The following TRAPPC11 variants were observed in gnomAD, a reference collection of about 807,000 sequenced individuals.
The protein encoded by TRAPPC11 is foie gras homolog.
TRAPPC11 carries 104 observed loss-of-function variants against 151.2 expected under a neutral mutation model. That is an observed-to-expected ratio of 0.69 (90% CI 0.59 to 0.81). TRAPPC11 has a LOEUF of 0.81. Ranked by LOEUF, TRAPPC11 falls within the 30% of genes least tolerant of loss-of-function variation. The pLI is 0.00. For missense variants in TRAPPC11, 1,230 were observed against 1,349.6 expected (o/e 0.91, Z 1.39); for synonymous variants, 456 against 472.3 (o/e 0.97, Z 0.45).
In TRAPPC11 at chr4:183,680,679, CTTTTTTTTT is replaced by C. The variant is rs71589581; in HGVS notation, c.1113+425_1113+433del. 1.1e-4 allele frequency among the ~76,000 whole-genome samples: 9 copies of C among 82,964 alleles called. No individual in the cohort carries two copies. The South Asian group carries it at 1.2e-3, about 11-fold the overall frequency. The allele number at this position is 82,964 out of a possible 152,430, so 54.4% of individuals were successfully genotyped here. On this transcript the variant is annotated intron_variant, in intron 10 of 29. Transcript: ENST00000334690. Reference sequence around the variant, plus strand: ...CCTGGGGTTTTCCTGTATGGAGACTCTTTTTTTTTTTTTTTTTTTTTGGAGATGGAGTCT... The same window carrying C: ...CCTGGGGTTTTCCTGTATGGAGACTCTTTTTTTTTTTTGGAGATGGAGTCT...
intron 23 of TRAPPC11, among the ~76,000 whole-genome samples, chr4:183,696,889 T>C (rs112847514): frequency 0.022 from 3,310 of 152,224 alleles, 124 homozygotes; most frequent in African/African-American, 0.076. Flanking sequence ...TCTTTCTTAT[T>C]AGTCATTTTG....
chr4:183,667,720 G>T (rs1212819404), intron 4 of TRAPPC11, among the ~76,000 whole-genome samples: 1 of 152,128 alleles, frequency 6.6e-6, no homozygotes, highest in Non-Finnish European at 1.5e-5. Flanking sequence ...TCCAGTTTTA[G>T]TTATGTTTTT....
Position 183,705,047 on chromosome 4 carries a change from A to G in TRAPPC11, c.3032A>G (p.Asn1011Ser), listed in dbSNP as rs1445366637. 6.3e-7 allele frequency: 1 copy of G among 1,593,344 alleles called. No individual in the cohort carries two copies. Among genetic ancestry groups the G allele is most frequent in the East Asian group, 2.2e-5 (1 of 44,798 alleles). ...ACTCTGCCGCACGTGATTGTGGAGAATATCCCTCTCCATGTGAATGCAGGT... is the reference window on the plus strand; with the variant it reads ...ACTCTGCCGCACGTGATTGTGGAGAGTATCCCTCTCCATGTGAATGCAGGT... ...VITLPHVIVE[N>S]IPLHVNADLP... is the part of the protein sequence containing the mutation. The change falls in exon 27 of 30, where the codon AAT becomes AGT. Residue 1011 changes from asparagine (N) to serine (S), a missense_variant. By Grantham distance (46) the Asn-to-Ser change is conservative. Coordinates refer to ENST00000334690, the MANE Select transcript of TRAPPC11 (RefSeq NM_021942.6).
intron 2 of TRAPPC11, 123 bp from the exon 3 acceptor site, chr4:183,666,133 TC>T: frequency 3.8e-6 from 3 of 789,582 alleles, no homozygotes; most frequent in Non-Finnish European, 5.9e-6. Context: ...AGCCTGAGTT[TC>T]CTAATCAAAA....
intron 28 of TRAPPC11, among the ~76,000 whole-genome samples, chr4:183,708,083 G>C (rs1307094047): frequency 6.6e-6 from 1 of 152,100 alleles, no homozygotes; most frequent in African/African-American, 2.4e-5. Context: ...GAACATAAAA[G>C]CTACCTGGGC....
intron 20 of TRAPPC11, 130 bp from the exon 21 acceptor site, chr4:183,693,458 AG>A: frequency 1.0e-6 from 1 of 966,372 alleles, no homozygotes; most frequent in Non-Finnish European, 1.5e-6. Context: ...CTCCTGCCTC[AG>A]TCTCCCAAAA....
In TRAPPC11 at chr4:183,691,307, C is replaced by T. The variant is rs554788632; in HGVS notation, c.1894-9C>T. ...CTGACATTTGATGACCCCTGTTCAC[C>T]TTTTTCAGGAATACAACCAGTTCTG... On this transcript the variant is annotated splice_polypyrimidine_tract_variant and intron_variant, in intron 18 of 29. Transcript: ENST00000334690. The T allele has an allele frequency of 2.7e-6, 4 of 1,478,766 alleles. No individual in the cohort carries two copies. Among genetic ancestry groups the T allele is most frequent in the Non-Finnish European group, 3.6e-6 (4 of 1,101,114 alleles). 91.6% of individuals were successfully genotyped at this position (1,478,766 alleles called of 1,614,324 possible).
intron 20 of TRAPPC11, among the ~76,000 whole-genome samples, 189 bp downstream of exon 20, chr4:183,693,336 T>C (rs1307847043): frequency 2.0e-5 from 3 of 152,016 alleles, no homozygotes; most frequent in Admixed American, 1.3e-4. Context: ...TCCCCAGTAG[T>C]TGGGACTACA....
chr4:183,686,590 T>A, intron 17 of TRAPPC11, 28 bp from the exon 18 acceptor site: 1 of 1,611,884 alleles, frequency 6.2e-7, no homozygotes, highest in Non-Finnish European at 8.5e-7. Context: ...TGGTTGTGCA[T>A]AACACAGCCC....
At chr4:183,680,327 G>A (rs1243363307) in intron 10 of TRAPPC11, 60 bp downstream of exon 10, 2 of 1,510,020 alleles carry the variant, frequency 1.3e-6, no homozygotes, top group Non-Finnish European at 1.8e-6. Context: ...TTTGAAAGAA[G>A]CTAGAACTGA....
chr4:183,662,532 C>T (rs1734610635), intron 1 of TRAPPC11, among the ~76,000 whole-genome samples: 1 of 152,042 alleles, frequency 6.6e-6, no homozygotes, highest in Admixed American at 6.5e-5. Flanking sequence ...TGGAAACATC[C>T]TCCGAGAGGT....
intron 26 of TRAPPC11, among the ~76,000 whole-genome samples, chr4:183,703,805 T>C (rs1431817725): frequency 1.3e-5 from 2 of 152,358 alleles, no homozygotes; most frequent in African/African-American, 4.8e-5. Context: ...GTTCCCACTT[T>C]AGCTGTACCA....
intron 26 of TRAPPC11, among the ~76,000 whole-genome samples, chr4:183,702,764 A>G (rs926549297): frequency 3.3e-5 from 5 of 152,210 alleles, no homozygotes; most frequent in Non-Finnish European, 7.3e-5. Flanking sequence ...AAGTAGATAC[A>G]TGATATTCAT....
At chr4:183,691,221 G>T (rs141361544) in intron 18 of TRAPPC11, 95 bp from the exon 19 acceptor site, 6 of 972,568 alleles carry the variant, frequency 6.2e-6, no homozygotes, top group Non-Finnish European at 8.5e-6. Context: ...TAATGCTTCA[G>T]TGTTTGTGGA....
intron 8 of TRAPPC11, 78 bp downstream of exon 8, chr4:183,677,632 T>G (rs1735480062): frequency 4.7e-6 from 4 of 858,950 alleles, no homozygotes; most frequent in Non-Finnish European, 7.6e-6. Context: ...ACATCAAAAT[T>G]AATTTCTTGC....
At chr4:183,700,296 ATACT>A (rs1736741618) in intron 25 of TRAPPC11, among the ~76,000 whole-genome samples, 2 of 152,238 alleles carry the variant, frequency 1.3e-5, no homozygotes, top group African/African-American at 4.8e-5. Flanking sequence ...TTACATAAAA[ATACT>A]TAATTAAAGC....
intron 1 of TRAPPC11, 135 bp downstream of exon 1, chr4:183,659,582 A>C (rs1209875592): frequency 6.6e-6 from 1 of 152,220 alleles, no homozygotes; most frequent in Non-Finnish European, 1.5e-5. Flanking sequence ...TCTCTTTTAG[A>C]CCCGAGGAAA....
At chr4:183,680,300 A>G (rs763210277) in intron 10 of TRAPPC11, 33 bp downstream of exon 10, 3 of 1,592,528 alleles carry the variant, frequency 1.9e-6, no homozygotes, top group African/African-American at 1.4e-5. Flanking sequence ...TCTAGCACAT[A>G]GAAAAGTTAT....
At chr4:183,660,657 C>T (rs1734434099) in intron 1 of TRAPPC11, among the ~76,000 whole-genome samples, 2 of 152,214 alleles carry the variant, frequency 1.3e-5, no homozygotes, top group South Asian at 4.1e-4. Context: ...GAAATGGCCT[C>T]TAGTCTAGAC....
Sources: gnomAD v4.1 joint callset for allele counts (sites outside exome capture counted in the v4.1 genomes callset) on GRCh38, gnomAD v4.1.1 for gene constraint, MANE v1.5 for transcripts, NCBI Gene and HGNC (gene_info 2026-07-23, HGNC 2026-07-21) for gene names.